Variants in MARCHF1 observed in about 807,000 individuals in gnomAD.
MARCHF1 encodes the protein membrane associated ring-CH-type finger 1, also known as E3 ubiquitin-protein ligase MARCHF1.
Under a neutral mutation model 54.2 loss-of-function variants are expected in MARCHF1, and 40 were observed. That is an observed-to-expected ratio of 0.74 (90% CI 0.57 to 0.96). MARCHF1 has a LOEUF of 0.96. Ranked by LOEUF, MARCHF1 falls within the 40% of genes least tolerant of loss-of-function variation. The probability of loss-of-function intolerance (pLI) is 0.00; values close to 1 mark genes in which losing one functional copy is unlikely to be tolerated. For synonymous variants in MARCHF1, 236 were observed against 236.3 expected (o/e 1.00, Z 0.01); for missense variants, 586 against 656.5 (o/e 0.89, Z 1.17).
intron 1 of MARCHF1, among the ~76,000 whole-genome samples, chr4:164,357,247 C>T (rs781053421): frequency 4.6e-5 from 7 of 151,974 alleles, no homozygotes; most frequent in Non-Finnish European, 7.4e-5. Context: ...ATTCATTTTT[C>T]GCGACTGTGA....
intron 5 of MARCHF1, among the ~76,000 whole-genome samples, chr4:163,690,452 G>A (rs1744411985): frequency 6.6e-6 from 1 of 152,168 alleles, no homozygotes; most frequent in South Asian, 2.1e-4. Flanking sequence ...TAAAGGTAGA[G>A]TTGAAAGAAG....
chr4:164,065,939 G>A (rs1754718087), intron 2 of MARCHF1, among the ~76,000 whole-genome samples: 1 of 152,182 alleles, frequency 6.6e-6, no homozygotes, highest in South Asian at 2.1e-4. Context: ...TGTTCTAGGA[G>A]CTGACAGCCA....
chr4:164,285,729 G>A (rs1262155468), intron 1 of MARCHF1, among the ~76,000 whole-genome samples: 2 of 151,014 alleles, frequency 1.3e-5, no homozygotes, highest in Non-Finnish European at 2.9e-5. Context: ...CCAAAGTGCT[G>A]GGATTACAGG....
Position 163,585,848 on chromosome 4 carries a change from C to G in MARCHF1, c.1092G>C (p.Gln364His), listed in dbSNP as rs141453870. ...TCTTTATCCACTGGTGGAGGCAGGA[C>G]TGGTGGACAAAGCGCAGTGTCCCAG... ...RCTGTLRFVHQSCLHQWIKSS... is the reference protein window; with the variant it reads ...RCTGTLRFVHHSCLHQWIKSS... The change falls in exon 8 of 10, where the codon CAG becomes CAC. Residue 364 changes from glutamine (Q) to histidine (H), a missense_variant. This residue lies in a region of MARCHF1 where 93 missense variants were observed against 168.2 expected (regional missense o/e 0.55). Coordinates refer to ENST00000514618, the MANE Select transcript of MARCHF1 (RefSeq NM_001394959.1). The G allele has an allele frequency of 7.4e-5, 120 of 1,613,946 alleles. No homozygotes were observed. The highest frequency in any genetic ancestry group is 9.6e-5 in the Non-Finnish European group (113 of 1,179,992).
intron 1 of MARCHF1, among the ~76,000 whole-genome samples, chr4:164,222,828 A>G (rs1732151860): frequency 1.3e-5 from 2 of 152,064 alleles, no homozygotes; most frequent in Admixed American, 6.6e-5. Context: ...AGAAGGAATA[A>G]TAAAGAATGT....
intron 1 of MARCHF1, among the ~76,000 whole-genome samples, chr4:164,274,553 T>C (rs186542618): frequency 6.6e-6 from 1 of 152,146 alleles, no homozygotes; most frequent in East Asian, 1.9e-4. Context: ...GTGTTCATAT[T>C]TGTCAGTGCA....
intron 4 of MARCHF1, among the ~76,000 whole-genome samples, chr4:163,707,158 A>C (rs1561030229): frequency 6.6e-6 from 1 of 152,086 alleles, no homozygotes. Context: ...TAAATTATGA[A>C]TTCAGTCTTG....
At chr4:163,853,808 GTTTAATTGGAATTAAACTCTA>G (rs751957183) in intron 4 of MARCHF1, among the ~76,000 whole-genome samples, 192 bp downstream of exon 4, 11 of 152,046 alleles carry the variant, frequency 7.2e-5, no homozygotes, top group Non-Finnish European at 5.9e-5. Flanking sequence ...AGAAACAGTT[GTTTAATTGGAATTAAACTCTA>G]ATATTATATG....
intron 4 of MARCHF1, among the ~76,000 whole-genome samples, chr4:163,740,140 G>A (rs1746154324): frequency 3.3e-5 from 5 of 152,128 alleles, no homozygotes; most frequent in Admixed American, 3.3e-4. Flanking sequence ...TTTAGCTCTT[G>A]ATAAGACAGA....
chr4:164,039,651 T>C lies in MARCHF1; in HGVS notation c.-247-50942A>G, dbSNP rs144100322. On this transcript the variant is annotated intron_variant, in intron 2 of 9. Coordinates refer to ENST00000514618, the MANE Select transcript of MARCHF1 (RefSeq NM_001394959.1). ...ATTCACTAGAAAGACATAATCTTTT[T>C]CTTAAGACATTGTATCTCTCCACAT... is the stretch of plus-strand genomic sequence containing the variant. 9.9e-5 allele frequency among the ~76,000 whole-genome samples: 15 copies of C among 152,200 alleles called. No homozygotes were observed. In the East Asian group the frequency reaches 2.7e-3, roughly 27 times the overall value.
rs143295468 is a variant in MARCHF1 at position 164,128,036 on chromosome 4, C to T, written c.-322-16374G>A. Among the ~76,000 whole-genome samples, 574 of 152,198 alleles carry T rather than the reference C, an allele frequency of 3.8e-3. 7 individuals carry two copies. The highest frequency in any genetic ancestry group is 0.013 in the African/African-American group (534 of 41,560). On this transcript the variant is annotated intron_variant, in intron 1 of 9. Coordinates refer to ENST00000514618, the MANE Select transcript of MARCHF1 (RefSeq NM_001394959.1). ...AGAGTAGAAATTCAAGAATTAGACT[C>T]ATCAATATAATTCTGAAGAATATGA...
At chr4:163,866,128 T>A (rs2111203272) in intron 3 of MARCHF1, among the ~76,000 whole-genome samples, 1 of 151,832 alleles carries the variant, frequency 6.6e-6, no homozygotes, top group South Asian at 2.1e-4. Flanking sequence ...TTTTAATGTC[T>A]CTAGTATTTA....
intron 4 of MARCHF1, among the ~76,000 whole-genome samples, chr4:163,736,719 A>G: frequency 6.6e-6 from 1 of 152,210 alleles, no homozygotes; most frequent in Non-Finnish European, 1.5e-5. Context: ...AATGTAGATG[A>G]CATGAAATTG....
Position 163,599,297 on chromosome 4 carries a change from T to TTATATATATATATATATATATATA in MARCHF1, c.1010+12973_1010+12974insTATATATATATATATATATATATA, listed in dbSNP as rs150458467. The stretch of plus-strand genomic sequence containing the variant: ...AGAGTGAGACTCCATCTCAAAAAAA[T>TTATATATATATATATATATATATA]TATATATATATATATGTTTTATTTT... On this transcript the variant is annotated intron_variant, in intron 7 of 9. Coordinates refer to ENST00000514618, the MANE Select transcript of MARCHF1 (RefSeq NM_001394959.1). Among the ~76,000 whole-genome samples the TTATATATATATATATATATATATA allele has an allele frequency of 4.0e-3, 579 of 146,564 alleles. 7 individuals are homozygous for TTATATATATATATATATATATATA. Among genetic ancestry groups the TTATATATATATATATATATATATA allele is most frequent in the African/African-American group, 0.012 (482 of 39,344 alleles).
chr4:164,222,821 A>G (rs1173965654), intron 1 of MARCHF1, among the ~76,000 whole-genome samples: 1 of 152,064 alleles, frequency 6.6e-6, no homozygotes. Context: ...ATAACACAGA[A>G]GGAATAATAA....
At chr4:164,199,707 GAGAGA>G (rs1489743451) in intron 1 of MARCHF1, among the ~76,000 whole-genome samples, 2 of 144,022 alleles carry the variant, frequency 1.4e-5, no homozygotes, top group Non-Finnish European at 3.1e-5. Flanking sequence ...GAGAGAGAGA[GAGAGA>G]AGAGAGGAGA....
At chr4:164,265,274 G>A (rs2111291284) in intron 1 of MARCHF1, among the ~76,000 whole-genome samples, 1 of 152,174 alleles carries the variant, frequency 6.6e-6, no homozygotes, top group South Asian at 2.1e-4. Flanking sequence ...TTTAAAACTA[G>A]TGACATGGAG....
intron 1 of MARCHF1, among the ~76,000 whole-genome samples, chr4:164,350,729 G>T (rs1444968532): frequency 6.6e-6 from 1 of 152,200 alleles, no homozygotes; most frequent in African/African-American, 2.4e-5. Context: ...TTTAGGAGAA[G>T]CCAGTTCAAT....
At chr4:164,102,715 A>G (rs1160693932) in intron 2 of MARCHF1, among the ~76,000 whole-genome samples, 2 of 151,992 alleles carry the variant, frequency 1.3e-5, no homozygotes, top group African/African-American at 4.8e-5. Flanking sequence ...ACTAATGAGC[A>G]AAATAACCAG....
Sources: allele counts gnomAD v4.1 joint callset (sites outside exome capture counted in the v4.1 genomes callset), GRCh38; gene constraint gnomAD v4.1.1; regional missense constraint gnomAD v4.1.1; transcripts MANE v1.5; gene names NCBI Gene and HGNC (gene_info 2026-07-23, HGNC 2026-07-21).